Variants in MCUB observed in about 807,000 individuals in gnomAD.
MCUB encodes the protein mitochondrial calcium uniporter dominant negative subunit beta, also known as calcium uniporter regulatory subunit MCUb, mitochondrial.
A neutral mutation model predicts 41.4 loss-of-function variants in MCUB; 46 were observed. The ratio of observed to expected loss-of-function variants is 1.11; its 90% confidence interval spans 0.88 to 1.42. The LOEUF (loss-of-function observed/expected upper bound fraction) is 1.42, where lower values mean the gene tolerates loss of function less well. MCUB is among the 40% of genes most tolerant of loss of function. The pLI is 0.00. For missense variants in MCUB, 403 were observed against 404.9 expected, an observed-to-expected ratio of 1.00 and a Z score of 0.04; for synonymous variants, 148 against 148.2, an observed-to-expected ratio of 1.00 and a Z score of 0.01.
In MCUB at chr4:109,595,348, G is replaced by A. The variant is rs1245559543; in HGVS notation, c.99+34912G>A. On this transcript the variant is annotated intron_variant, in intron 1 of 7. Coordinates refer to ENST00000394650, the MANE Select transcript of MCUB (RefSeq NM_017918.5). ...CTGCACTAGGTAAAGAAACATGCAA[G>A]AGCATGTCAGGGGTGGTGGCTGTAA... 2.6e-5 allele frequency among the ~76,000 whole-genome samples: 4 copies of A among 152,180 alleles called. No individual in the cohort carries two copies. In the East Asian group the frequency reaches 7.7e-4, roughly 29 times the overall value.
chr4:109,644,794 A>G (rs370832697), intron 1 of MCUB, among the ~76,000 whole-genome samples: 60 of 152,230 alleles, frequency 3.9e-4, no homozygotes, highest in African/African-American at 1.3e-3. Flanking sequence ...CTTTGTTTGC[A>G]TTTTTATTTC....
chr4:109,603,854 C>G (rs1727807003), intron 1 of MCUB, among the ~76,000 whole-genome samples: 1 of 152,224 alleles, frequency 6.6e-6, no homozygotes, highest in Admixed American at 6.5e-5. Flanking sequence ...TGAGGAGCCT[C>G]TCTGCCCGGC....
intron 1 of MCUB, among the ~76,000 whole-genome samples, chr4:109,647,556 G>A (rs191492978): frequency 2.0e-3 from 299 of 152,198 alleles, no homozygotes; most frequent in African/African-American, 7.0e-3. Context: ...TTATTTAGAC[G>A]TACCATTGTT....
In MCUB at chr4:109,560,283, C is replaced by A; in HGVS notation, c.-55C>A. 1 of 917,734 alleles carries A rather than the reference C, an allele frequency of 1.1e-6. No homozygotes were observed. The highest frequency in any genetic ancestry group is 1.4e-6 in the Non-Finnish European group (1 of 699,774). The allele number at this position is 917,734 out of a possible 1,614,324, so 56.8% of individuals were successfully genotyped here. A position where few individuals can be genotyped will look rare whatever the true frequency, so the allele number is the denominator to read the frequency against. On this transcript the variant is annotated 5_prime_UTR_variant, in exon 1 of 8. In the 5' UTR this introduces an upstream ATG that the reference lacks. Transcript: ENST00000394650. ...CACCAGGCGCTGACGAGGAGCCCGG[C>A]TGAGGGAGGATGCGCCGCTGACGCC... is the stretch of plus-strand genomic sequence containing the variant.
chr4:109,609,973 G>A (rs1271487072), intron 1 of MCUB, among the ~76,000 whole-genome samples: 1 of 152,100 alleles, frequency 6.6e-6, no homozygotes, highest in Non-Finnish European at 1.5e-5. Context: ...AGCTAAGCTG[G>A]CACTCAAACC....
At chr4:109,626,860 C>T (rs1579071996) in intron 1 of MCUB, among the ~76,000 whole-genome samples, 1 of 148,920 alleles carries the variant, frequency 6.7e-6, no homozygotes, top group Non-Finnish European at 1.5e-5. Flanking sequence ...GCCTGGATAG[C>T]GTTCGTACTT....
chr4:109,653,233 G>T (rs1474472878), intron 1 of MCUB, among the ~76,000 whole-genome samples: 1 of 152,030 alleles, frequency 6.6e-6, no homozygotes, highest in Non-Finnish European at 1.5e-5. Flanking sequence ...CAAAAAATTA[G>T]CCAGGCTTGG....
intron 1 of MCUB, among the ~76,000 whole-genome samples, chr4:109,565,248 G>A (rs1168296307): frequency 6.6e-6 from 1 of 152,182 alleles, no homozygotes; most frequent in Non-Finnish European, 1.5e-5. Context: ...TTTGTTAGAA[G>A]TGGGTCAAAA....
intron 1 of MCUB, among the ~76,000 whole-genome samples, chr4:109,608,764 G>C (rs1238621634): frequency 6.6e-6 from 1 of 152,080 alleles, no homozygotes; most frequent in African/African-American, 2.4e-5. Context: ...GCTTCCCAAA[G>C]TTCTGGGATT....
At chr4:109,658,883 T>C in intron 1 of MCUB, 128 bp from the exon 2 acceptor site, 1 of 667,610 alleles carries the variant, frequency 1.5e-6, no homozygotes, top group Non-Finnish European at 2.6e-6. Flanking sequence ...CTGGGATGCA[T>C]GACAAGTTGA....
intron 7 of MCUB, among the ~76,000 whole-genome samples, 180 bp from the exon 8 acceptor site, chr4:109,687,335 G>A (rs1175407214): frequency 6.6e-6 from 1 of 151,992 alleles, no homozygotes; most frequent in Non-Finnish European, 1.5e-5. Flanking sequence ...CTCCTGCCTG[G>A]GTGACAGAAT....
intron 1 of MCUB, among the ~76,000 whole-genome samples, chr4:109,636,495 A>C (rs1337327506): frequency 6.6e-6 from 1 of 152,188 alleles, no homozygotes; most frequent in African/African-American, 2.4e-5. Context: ...AAACTGAGAA[A>C]ATATAATCAG....
chr4:109,673,242 A>G (rs1483380463), intron 4 of MCUB, among the ~76,000 whole-genome samples: 2 of 152,188 alleles, frequency 1.3e-5, no homozygotes, highest in African/African-American at 2.4e-5. Context: ...GGTTGCATTT[A>G]TGAACAAACA....
At chr4:109,623,279 A>C (rs971138327) in intron 1 of MCUB, among the ~76,000 whole-genome samples, 2 of 152,214 alleles carry the variant, frequency 1.3e-5, no homozygotes, top group Non-Finnish European at 2.9e-5. Flanking sequence ...GTAAGACCAG[A>C]TATCGAAGGG....
chr4:109,680,021 C>CA (rs1270189873), intron 4 of MCUB, among the ~76,000 whole-genome samples: 1 of 152,152 alleles, frequency 6.6e-6, no homozygotes, highest in African/African-American at 2.4e-5. Context: ...AGGCTGATCT[C>CA]AAACTCCTGA....
chr4:109,576,961 C>T (rs1415696294), intron 1 of MCUB, among the ~76,000 whole-genome samples: 1 of 152,158 alleles, frequency 6.6e-6, no homozygotes, highest in Non-Finnish European at 1.5e-5. Flanking sequence ...AAGTGATCCT[C>T]CCACCTCAGC....
chr4:109,581,664 A>G (rs1727178935), intron 1 of MCUB, among the ~76,000 whole-genome samples: 2 of 152,230 alleles, frequency 1.3e-5, no homozygotes, highest in South Asian at 2.1e-4. Flanking sequence ...AGAATCTACA[A>G]TGAACTCAAA....
chr4:109,573,867 A>ATTTTTTTTTTTTTTTTTTTTTTTTT (rs70954166), intron 1 of MCUB, among the ~76,000 whole-genome samples: 1 of 112,530 alleles, frequency 8.9e-6, no homozygotes. Context: ...AAAGGGTTGA[A>ATTTTTTTTTTTTTTTTTTTTTTTTT]TTTTTTTTTT....
intron 1 of MCUB, among the ~76,000 whole-genome samples, chr4:109,622,966 G>A (rs950505376): frequency 1.1e-4 from 16 of 152,112 alleles, no homozygotes; most frequent in African/African-American, 3.9e-4. Context: ...ATTGTGTTTC[G>A]CGCTTTTGCA....
Sources: allele counts gnomAD v4.1 joint callset (sites outside exome capture counted in the v4.1 genomes callset), GRCh38; gene constraint gnomAD v4.1.1; transcripts MANE v1.5; gene names NCBI Gene and HGNC (gene_info 2026-07-23, HGNC 2026-07-21).